Variants in MAK observed in about 807,000 individuals in gnomAD.
The protein encoded by MAK is male germ cell associated kinase.
A neutral mutation model predicts 82.6 loss-of-function variants in MAK; 65 were observed. The observed-to-expected ratio is 0.79, with a 90% CI of 0.64 to 0.97. The LOEUF is 0.97. MAK is among the 50% of genes least tolerant of loss of function. The pLI, the probability that MAK is intolerant of heterozygous loss-of-function variation, is 0.00. For synonymous variants in MAK, 250 were observed against 274.2 expected, an observed-to-expected ratio of 0.91 and a Z score of 0.87; for missense variants, 703 against 780.2, an observed-to-expected ratio of 0.90 and a Z score of 1.18.
chr6:10,768,511 G>T (rs956895500), intron 14 of MAK, among the ~76,000 whole-genome samples: 2 of 152,140 alleles, frequency 1.3e-5, no homozygotes, highest in African/African-American at 2.4e-5. Flanking sequence ...AACCCGGGAG[G>T]TGGAGGTTGC....
chr6:10,791,204 T>TTC (rs1272062564), intron 10 of MAK, among the ~76,000 whole-genome samples: 2 of 152,150 alleles, frequency 1.3e-5, no homozygotes, highest in African/African-American at 4.8e-5. Context: ...GATTCTTACC[T>TTC]TTTCAGAAGT....
chr6:10,830,333 G>C (rs375132152), intron 2 of MAK, among the ~76,000 whole-genome samples: 7 of 146,356 alleles, frequency 4.8e-5, no homozygotes, highest in African/African-American at 1.8e-4. Flanking sequence ...GCCTGGCTAA[G>C]TTTTGTATTT....
At chr6:10,813,104 A>T (rs1561986918) in intron 5 of MAK, among the ~76,000 whole-genome samples, 14 of 442 alleles carry the variant, frequency 0.032, no homozygotes, top group East Asian at 0.14. Flanking sequence ...ATATATATAT[A>T]TATATATATA....
chr6:10,770,210 T>G lies in MAK; in HGVS notation c.1693A>C (p.Thr565Pro). Residue 565 changes from threonine (T) to proline (P), a missense_variant, in exon 14 of 15, where the codon ACT becomes CCT. Transcript: ENST00000354489. ...DPQGNLGSYA[T>P]YNQSGYIPSF... is the part of the protein sequence containing the mutation. ...GGAATATATCCTGACTGATTGTAAG[T>G]AGCATAACTTCCAAGATTTCCTAGT... The G allele has an allele frequency of 6.2e-7, 1 of 1,614,062 alleles. No homozygotes were observed. Among genetic ancestry groups the G allele is most frequent in the Non-Finnish European group, 8.5e-7 (1 of 1,179,980 alleles).
chr6:10,833,159 A>C (rs1179484896), intron 1 of MAK, among the ~76,000 whole-genome samples: 1 of 152,240 alleles, frequency 6.6e-6, no homozygotes, highest in Non-Finnish European at 1.5e-5. Flanking sequence ...AAAATACTTA[A>C]GATTTCCCAA....
At chr6:10,788,559 C>CT (rs1055522164) in intron 10 of MAK, among the ~76,000 whole-genome samples, 28 of 152,054 alleles carry the variant, frequency 1.8e-4, no homozygotes, top group African/African-American at 6.8e-4. Flanking sequence ...TGGTGAAACA[C>CT]TGTCTCTATT....
rs116027338 is a variant in MAK at position 10,784,229 on chromosome 6, A to G, written c.1465+195T>C. 8.0e-3 allele frequency among the ~76,000 whole-genome samples: 1,211 copies of G among 152,234 alleles called. 10 individuals are homozygous for G. Among genetic ancestry groups the G allele is most frequent in the Non-Finnish European group, 0.014 (979 of 68,014 alleles). On this transcript the variant is annotated intron_variant, in intron 11 of 14. Coordinates refer to ENST00000354489, the MANE Select transcript of MAK (RefSeq NM_001242957.3). ...ATCATCTTGATTTTTGCTCCTAAGCATTTCTTGAGCAGAATTCTACTAGTG... is the reference window on the plus strand; with the variant it reads ...ATCATCTTGATTTTTGCTCCTAAGCGTTTCTTGAGCAGAATTCTACTAGTG...
rs752021255 is a variant in MAK, at chr6:10,775,408, G to A, written c.1517C>T (p.Pro506Leu). ...GAATAACTGGTTGCTCCAAGTGTGG[G>A]GGTTTATTTCCTTTCCACTGGCTAT... ...SLIASGKEIN[P>L]HTWSNQLFPK... Residue 506 changes from proline to leucine, a missense_variant, in exon 12 of 15, where the codon CCC becomes CTC. Pro to Leu is a moderately conservative substitution (Grantham distance 98). Transcript: ENST00000354489. 166 of 1,613,794 alleles carry A rather than the reference G, an allele frequency of 1.0e-4. No individual in the cohort carries two copies. The highest frequency in any genetic ancestry group is 1.3e-4 in the Non-Finnish European group (156 of 1,179,882).
At chr6:10,789,408 A>G (rs1167448071) in intron 10 of MAK, among the ~76,000 whole-genome samples, 1 of 152,158 alleles carries the variant, frequency 6.6e-6, no homozygotes, top group African/African-American at 2.4e-5. Flanking sequence ...GCTTTCCAAC[A>G]TGGGCTAAAA....
intron 14 of MAK, among the ~76,000 whole-genome samples, chr6:10,768,660 A>G (rs1327501428): frequency 6.6e-6 from 1 of 152,244 alleles, no homozygotes; most frequent in Non-Finnish European, 1.5e-5. Flanking sequence ...TATAAAAATC[A>G]CTGCTGTATA....
intron 5 of MAK, among the ~76,000 whole-genome samples, chr6:10,809,191 A>G (rs1776731216): frequency 6.6e-6 from 1 of 152,054 alleles, no homozygotes; most frequent in Non-Finnish European, 1.5e-5. Context: ...TTTAACATTT[A>G]TTTTTATTTG....
intron 7 of MAK, chr6:10,802,297 T>C (rs568805938): frequency 1.4e-4 from 64 of 468,496 alleles, no homozygotes; most frequent in South Asian, 9.8e-4. Context: ...TATAGCTTTT[T>C]TTTGTTTGTT....
intron 2 of MAK, among the ~76,000 whole-genome samples, chr6:10,825,632 A>G (rs923135242): frequency 1.3e-5 from 2 of 151,320 alleles, no homozygotes; most frequent in African/African-American, 2.4e-5. Context: ...TTTACCCCTA[A>G]GCCTGTGATT....
At chr6:10,787,090 T>G (rs1291153258) in intron 10 of MAK, among the ~76,000 whole-genome samples, 3 of 148,494 alleles carry the variant, frequency 2.0e-5, no homozygotes, top group African/African-American at 5.2e-5. Context: ...CTTCACCAGT[T>G]CACCTCCTAT....
chr6:10,801,414 A>G (rs1178935869), intron 8 of MAK, among the ~76,000 whole-genome samples: 2 of 152,236 alleles, frequency 1.3e-5, no homozygotes, highest in Non-Finnish European at 2.9e-5. Context: ...CCTGGGTGCC[A>G]CAATGCTGCC....
At chr6:10,770,001 G>T in intron 14 of MAK, 110 bp downstream of exon 14, 3 of 1,597,032 alleles carry the variant, frequency 1.9e-6, no homozygotes, top group Non-Finnish European at 2.6e-6. Context: ...CGTTAATGAG[G>T]TGAGGCTGAC....
intron 2 of MAK, among the ~76,000 whole-genome samples, chr6:10,829,428 T>C (rs1778611049): frequency 6.6e-6 from 1 of 152,168 alleles, no homozygotes; most frequent in Non-Finnish European, 1.5e-5. Context: ...AGGTCAGGAA[T>C]GGTGGCTCAC....
chr6:10,784,912 C>T, intron 10 of MAK: 1 of 492,724 alleles, frequency 2.0e-6, no homozygotes, highest in Admixed American at 2.3e-5. Context: ...TAACAGCCAT[C>T]TTCACCTGTT....
chr6:10,799,802 C>T (rs1581705521), intron 8 of MAK, among the ~76,000 whole-genome samples: 1 of 152,092 alleles, frequency 6.6e-6, no homozygotes, highest in South Asian at 2.1e-4. Flanking sequence ...AATCCCAGAA[C>T]TTAGGGAGGC....
Sources: allele counts gnomAD v4.1 joint callset (sites outside exome capture counted in the v4.1 genomes callset), GRCh38; gene constraint gnomAD v4.1.1; transcripts MANE v1.5; gene names NCBI Gene and HGNC (gene_info 2026-07-23, HGNC 2026-07-21).